MTRF1: variants seen among roughly 807,000 people sequenced by gnomAD.
The protein encoded by MTRF1 is peptide chain release factor 1, mitochondrial.
Under a neutral mutation model 62.9 loss-of-function variants are expected in MTRF1, and 51 were observed. The observed-to-expected ratio is 0.81, with a 90% CI of 0.65 to 1.02. MTRF1 has a LOEUF of 1.02. MTRF1 is among the 50% of genes least tolerant of loss of function. The probability of loss-of-function intolerance (pLI) is 0.00; values close to 1 mark genes in which losing one functional copy is unlikely to be tolerated. For missense variants in MTRF1, 446 were observed against 530.0 expected (o/e 0.84, Z 1.56); for synonymous variants, 158 against 181.9 (o/e 0.87, Z 1.06).
chr13:41,232,128 A>C (rs1290997875), intron 7 of MTRF1, among the ~76,000 whole-genome samples: 1 of 152,098 alleles, frequency 6.6e-6, no homozygotes, highest in Non-Finnish European at 1.5e-5. Context: ...ACTCAGAAGA[A>C]ACAGAGACAC....
At chr13:41,284,431 A>G in the MTRF1 span, among the ~76,000 whole-genome samples, 2 of 151,452 alleles carry the variant, frequency 1.3e-5, no homozygotes. Context: ...TGCAGTAAGC[A>G]GAGATTGCAC....
rs117780458 is a variant in MTRF1 at position 41,220,891 on chromosome 13, T to G, written c.1224+2365A>C. Among the ~76,000 whole-genome samples, 34 of 152,320 alleles carry G rather than the reference T, an allele frequency of 2.2e-4. 1 individual carries two copies. In the East Asian group the frequency reaches 6.6e-3, roughly 29 times the overall value. ...GAAGAAACTCACTGGCTAGGACTTA[T>G]TTGGGTGTCCACTCCAAACAAATCC... On this transcript the variant is annotated intron_variant, in intron 9 of 9. Transcript: ENST00000379480.
chr13:41,309,093 A>G, the MTRF1 span, among the ~76,000 whole-genome samples: 1 of 152,050 alleles, frequency 6.6e-6, no homozygotes, highest in Non-Finnish European at 1.5e-5. Context: ...TCCATGGTGT[A>G]CCACATTTTC....
At chr13:41,265,618 A>T (rs150944155), upstream of MTRF1, among the ~76,000 whole-genome samples, 1 of 152,220 alleles carries the variant, frequency 6.6e-6, no homozygotes, top group East Asian at 1.9e-4. Flanking sequence ...CTGACATAAT[A>T]GGATTAGTGC....
At chr13:41,294,178 G>A in the MTRF1 span, among the ~76,000 whole-genome samples, 5 of 152,066 alleles carry the variant, frequency 3.3e-5, no homozygotes, top group African/African-American at 1.2e-4. Flanking sequence ...CCAGCACTTT[G>A]GGAGGCCAAG....
the MTRF1 span, among the ~76,000 whole-genome samples, chr13:41,280,776 T>C: frequency 3.3e-5 from 5 of 152,214 alleles, no homozygotes; most frequent in Non-Finnish European, 7.3e-5. Flanking sequence ...AGCTTGACTC[T>C]TTTTATTGAC....
At chr13:41,253,111 A>G (rs2039284420) in intron 3 of MTRF1, 81 bp from the exon 4 acceptor site, 1 of 1,069,170 alleles carries the variant, frequency 9.4e-7, no homozygotes, top group Non-Finnish European at 1.4e-6. Flanking sequence ...AAAAACATTG[A>G]AAAAAATCAA....
At chr13:41,294,653 T>C in the MTRF1 span, among the ~76,000 whole-genome samples, 1 of 152,072 alleles carries the variant, frequency 6.6e-6, no homozygotes, top group Admixed American at 6.6e-5. Flanking sequence ...AAAAACTTTA[T>C]ATGGTAAATT....
chr13:41,217,009 T>C lies in MTRF1; in HGVS notation c.*106A>G. ...ACATATATTTATGTGTAATGTGTTC[T>C]TAAAGCTGTAATTTACAAATATTCA... On this transcript the variant is annotated 3_prime_UTR_variant, in exon 10 of 10. Coordinates refer to ENST00000379480, the MANE Select transcript of MTRF1 (RefSeq NM_004294.4). 1.7e-6 allele frequency: 1 copy of C among 594,396 alleles called. No homozygotes were observed. Among genetic ancestry groups the C allele is most frequent in the East Asian group, 3.0e-5 (1 of 33,524 alleles). 36.8% of individuals were successfully genotyped at this position (594,396 alleles called of 1,614,324 possible).
At position 41,260,937 on chromosome 13, in the gene MTRF1, C is replaced by G. The variant is rs530375499; in HGVS notation, c.-8-22G>C. On this transcript the variant is annotated intron_variant, in intron 1 of 9. Transcript: ENST00000379480. Reference sequence around the variant, plus strand: ...GCATCTGAAATACAATAAACACAGTCTTTAAAAAAAAATCATCTCTAAAGA... The same window carrying G: ...GCATCTGAAATACAATAAACACAGTGTTTAAAAAAAAATCATCTCTAAAGA... 8 of 1,458,562 alleles carry G rather than the reference C, an allele frequency of 5.5e-6. No homozygotes were observed. The African/African-American group carries it at 1.6e-4, about 30-fold the overall frequency. The allele number at this position is 1,458,562 out of a possible 1,614,324, so 90.4% of individuals were successfully genotyped here.
At chr13:41,311,159 C>T in the MTRF1 span, 1 of 362,042 alleles carries the variant, frequency 2.8e-6, no homozygotes, top group East Asian at 6.3e-5. Flanking sequence ...CAAATCCACG[C>T]GGTTGGTCCC....
At chr13:41,288,924 A>G in the MTRF1 span, among the ~76,000 whole-genome samples, 1 of 152,156 alleles carries the variant, frequency 6.6e-6, no homozygotes, top group East Asian at 1.9e-4. Flanking sequence ...AGGAGACAAG[A>G]GCCTTGAAGA....
At chr13:41,271,420 A>G in the MTRF1 span, among the ~76,000 whole-genome samples, 1 of 152,092 alleles carries the variant, frequency 6.6e-6, no homozygotes, top group Non-Finnish European at 1.5e-5. Context: ...TTCTTAGAGT[A>G]TTTGTTTCCC....
At position 41,226,773 on chromosome 13, in the gene MTRF1, G is replaced by A. The variant is rs545490128; in HGVS notation, c.989-205C>T. Reference sequence around the variant, plus strand: ...ATTCTGATATGTAAATGAGAACTCCGTATGAGCACCCAGAAAGCAGCAGCA... The same window carrying A: ...ATTCTGATATGTAAATGAGAACTCCATATGAGCACCCAGAAAGCAGCAGCA... On this transcript the variant is annotated intron_variant, in intron 7 of 9. Transcript: ENST00000379480. 2.1e-3 allele frequency among the ~76,000 whole-genome samples: 314 copies of A among 152,256 alleles called. 3 individuals are homozygous for A. The highest frequency in any genetic ancestry group is 7.3e-3 in the African/African-American group (304 of 41,536).
At chr13:41,305,258 A>G in the MTRF1 span, among the ~76,000 whole-genome samples, 2 of 152,168 alleles carry the variant, frequency 1.3e-5, no homozygotes, top group Non-Finnish European at 2.9e-5. Flanking sequence ...GGGTCTCACT[A>G]TGTTGTCCAG....
At chr13:41,272,465 G>A in the MTRF1 span, among the ~76,000 whole-genome samples, 1 of 152,074 alleles carries the variant, frequency 6.6e-6, no homozygotes, top group African/African-American at 2.4e-5. Context: ...AATTAGAGAG[G>A]CTTTATTACC....
intron 2 of MTRF1, among the ~76,000 whole-genome samples, chr13:41,260,053 C>A (rs1423534354): frequency 5.3e-5 from 8 of 152,192 alleles, no homozygotes; most frequent in Admixed American, 2.0e-4. Context: ...ACGGGAAGTA[C>A]CACGAGGAGC....
At chr13:41,258,870 A>T (rs61602842) in intron 2 of MTRF1, among the ~76,000 whole-genome samples, 3,197 of 152,276 alleles carry the variant, frequency 0.021, 122 homozygotes, top group African/African-American at 0.073. Context: ...TGCAAATCAT[A>T]TATCTGATCA....
chr13:41,297,075 G>T, the MTRF1 span, among the ~76,000 whole-genome samples: 7 of 152,146 alleles, frequency 4.6e-5, no homozygotes, highest in South Asian at 2.1e-4. Context: ...AAAACTCCCA[G>T]AATTCTAATA....
Sources: gnomAD v4.1 joint callset for allele counts (sites outside exome capture counted in the v4.1 genomes callset) on GRCh38, gnomAD v4.1.1 for gene constraint, MANE v1.5 for transcripts, NCBI Gene and HGNC (gene_info 2026-07-23, HGNC 2026-07-21) for gene names.